Variants in ATP8B4 observed in about 807,000 individuals in gnomAD.
ATP8B4 encodes probable phospholipid-transporting ATPase IM.
In ATP8B4, 133 loss-of-function variants were observed where a neutral mutation model predicts 145.6. The ratio of observed to expected loss-of-function variants is 0.91; its 90% CI spans 0.79 to 1.05. The LOEUF is 1.05. ATP8B4 is among the 50% of genes least tolerant of loss of function. The pLI, the probability that ATP8B4 is intolerant of heterozygous loss-of-function variation, is 0.00. For synonymous variants in ATP8B4, 507 were observed against 492.9 expected, an observed-to-expected ratio of 1.03 and a Z score of -0.38; for missense variants, 1,458 against 1,425.2, an observed-to-expected ratio of 1.02 and a Z score of -0.37.
chr15:50,007,411 G>C (rs1004986278), intron 7 of ATP8B4, among the ~76,000 whole-genome samples: 3 of 152,194 alleles, frequency 2.0e-5, no homozygotes, highest in African/African-American at 7.2e-5. Flanking sequence ...GGAGGCACTT[G>C]AGCTACATTG....
chr15:49,964,199 T>A (rs80349633), intron 13 of ATP8B4, among the ~76,000 whole-genome samples: 4,865 of 152,268 alleles, frequency 0.032, 269 homozygotes, highest in African/African-American at 0.11. Flanking sequence ...GTATGGCTGC[T>A]GTGTGGGAGG....
chr15:50,120,179 C>G (rs1031461253), upstream of ATP8B4, among the ~76,000 whole-genome samples: 11 of 152,046 alleles, frequency 7.2e-5, no homozygotes, highest in African/African-American at 2.7e-4. Flanking sequence ...TAATCCCCTG[C>G]GCACCATCAA....
chr15:50,078,750 A>C (rs1322766417), intron 2 of ATP8B4, among the ~76,000 whole-genome samples: 3 of 152,104 alleles, frequency 2.0e-5, no homozygotes, highest in Non-Finnish European at 2.9e-5. Flanking sequence ...AATCCCAAAA[A>C]CTTCCAAAAG....
intron 1 of ATP8B4, among the ~76,000 whole-genome samples, chr15:50,146,380 A>G (rs1000092854): frequency 3.3e-5 from 5 of 152,226 alleles, no homozygotes; most frequent in African/African-American, 1.2e-4. Context: ...ACAGAAACAA[A>G]TCAACCTAAG....
At chr15:50,039,945 T>C (rs1003789274) in intron 5 of ATP8B4, among the ~76,000 whole-genome samples, 3 of 152,222 alleles carry the variant, frequency 2.0e-5, no homozygotes, top group Non-Finnish European at 2.9e-5. Context: ...AAATAGTTTA[T>C]AATATTGGTA....
chr15:49,968,456 A>T (rs1461368561), intron 13 of ATP8B4, among the ~76,000 whole-genome samples: 1 of 152,210 alleles, frequency 6.6e-6, no homozygotes, highest in Non-Finnish European at 1.5e-5. Flanking sequence ...AAAGCAAAAA[A>T]AAGCAGGGGT....
At chr15:49,966,959 G>A (rs2899444) in intron 13 of ATP8B4, among the ~76,000 whole-genome samples, 19,457 of 152,188 alleles carry the variant, frequency 0.13, 1,658 homozygotes, top group East Asian at 0.34. Context: ...AGCCTCCGCT[G>A]GTGATACTCA....
At chr15:49,916,240 G>T (rs1427401650) in intron 20 of ATP8B4, among the ~76,000 whole-genome samples, 1 of 151,990 alleles carries the variant, frequency 6.6e-6, no homozygotes, top group African/African-American at 2.4e-5. Flanking sequence ...GAAATAAATT[G>T]GTACATCTTA....
chr15:49,958,175 C>A (rs375308627), intron 14 of ATP8B4, among the ~76,000 whole-genome samples: 4 of 151,154 alleles, frequency 2.6e-5, no homozygotes, highest in East Asian at 1.9e-4. Context: ...TTTGAACTCA[C>A]TGATATTAGA....
intron 12 of ATP8B4, among the ~76,000 whole-genome samples, chr15:49,976,088 G>A (rs956316889): frequency 2.6e-5 from 4 of 152,022 alleles, no homozygotes; most frequent in Non-Finnish European, 5.9e-5. Flanking sequence ...AAAGAGGTAT[G>A]GCGCCAATTC....
intron 1 of ATP8B4, among the ~76,000 whole-genome samples, chr15:50,179,765 C>T (rs2044817314): frequency 6.6e-6 from 1 of 152,174 alleles, no homozygotes; most frequent in Non-Finnish European, 1.5e-5. Flanking sequence ...GAAAGTAGCC[C>T]TTCACCAAAC....
chr15:50,168,607 G>A (rs935582770), intron 1 of ATP8B4, among the ~76,000 whole-genome samples: 1 of 152,124 alleles, frequency 6.6e-6, no homozygotes, highest in African/African-American at 2.4e-5. Flanking sequence ...AGGAGCAGGG[G>A]GTAAAAGTCC....
chr15:49,979,900 GA>G (rs2046006479), intron 11 of ATP8B4, 87 bp from the exon 12 acceptor site: 2 of 923,134 alleles, frequency 2.2e-6, no homozygotes, highest in Non-Finnish European at 3.1e-6. Flanking sequence ...CTAACTCCAA[GA>G]AATAGTCATT....
intron 1 of ATP8B4, among the ~76,000 whole-genome samples, chr15:50,138,268 T>C (rs1403299249): frequency 6.6e-6 from 1 of 152,014 alleles, no homozygotes; most frequent in African/African-American, 2.4e-5. Flanking sequence ...GTGTACATGA[T>C]TAGCAAGGGA....
At chr15:49,950,980 T>C (rs1762660460) in intron 14 of ATP8B4, among the ~76,000 whole-genome samples, 1 of 152,234 alleles carries the variant, frequency 6.6e-6, no homozygotes, top group Non-Finnish European at 1.5e-5. Context: ...AAGCAGGTTG[T>C]TTAATTTCCA....
chr15:50,031,347 G>A (rs557920363), intron 6 of ATP8B4, among the ~76,000 whole-genome samples: 9 of 152,092 alleles, frequency 5.9e-5, no homozygotes, highest in South Asian at 4.2e-4. Context: ...TAATGTATAC[G>A]TAATCTGGGT....
chr15:49,969,298 G>C (rs1233808160), intron 13 of ATP8B4, among the ~76,000 whole-genome samples: 3 of 152,144 alleles, frequency 2.0e-5, no homozygotes, highest in African/African-American at 7.2e-5. Flanking sequence ...AGGAGATAGA[G>C]ACACGAAAAA....
At chr15:50,056,010 G>A (rs2052568238) in intron 3 of ATP8B4, among the ~76,000 whole-genome samples, 1 of 152,146 alleles carries the variant, frequency 6.6e-6, no homozygotes. Context: ...AAAGACGACA[G>A]TGCTCTTCTA....
intron 14 of ATP8B4, among the ~76,000 whole-genome samples, chr15:49,961,662 G>C (rs1269670279): frequency 6.6e-6 from 1 of 152,076 alleles, no homozygotes; most frequent in African/African-American, 2.4e-5. Flanking sequence ...AAGATATATT[G>C]TTGAGAACGC....
Sources: gnomAD v4.1 joint callset for allele counts (sites outside exome capture counted in the v4.1 genomes callset) on GRCh38, gnomAD v4.1.1 for gene constraint, MANE v1.5 for transcripts, NCBI Gene and HGNC (gene_info 2026-07-23, HGNC 2026-07-21) for gene names.